The following GALNTL5 variants were observed in gnomAD, a reference collection of about 807,000 sequenced individuals.
GALNTL5 encodes the protein polypeptide N-acetylgalactosaminyltransferase like 5.
A neutral mutation model predicts 51.0 loss-of-function variants in GALNTL5; 44 were observed. The ratio of observed to expected loss-of-function variants is 0.86; its 90% CI spans 0.68 to 1.11. The LOEUF is 1.11. GALNTL5 is among the 50% of genes least tolerant of loss of function. GALNTL5 has a pLI of 0.00. For missense variants in GALNTL5, 528 were observed against 531.8 expected (o/e 0.99, Z 0.07); for synonymous variants, 192 against 182.8 (o/e 1.05, Z -0.41).
intron 8 of GALNTL5, among the ~76,000 whole-genome samples, chr7:152,017,918 T>C (rs1056377817): frequency 2.6e-5 from 4 of 152,114 alleles, no homozygotes; most frequent in Non-Finnish European, 4.4e-5. Flanking sequence ...CAATCTCGGC[T>C]CACTGCAACC....
chr7:151,979,220 C>G (rs2081246612), intron 3 of GALNTL5, among the ~76,000 whole-genome samples: 1 of 150,042 alleles, frequency 6.7e-6, no homozygotes, highest in South Asian at 2.1e-4. Flanking sequence ...CGCCATTCTC[C>G]TTCCTCAGCC....
intron 1 of GALNTL5, among the ~76,000 whole-genome samples, chr7:151,958,671 T>C (rs1468652836): frequency 6.6e-6 from 1 of 152,158 alleles, no homozygotes; most frequent in African/African-American, 2.4e-5. Flanking sequence ...CCACTTCCCA[T>C]GATGTGGGGT....
intron 5 of GALNTL5, among the ~76,000 whole-genome samples, 181 bp from the exon 6 acceptor site, chr7:152,002,533 A>G (rs147373465): frequency 6.6e-6 from 1 of 152,210 alleles, no homozygotes; most frequent in Non-Finnish European, 1.5e-5. Context: ...ATGGCACATG[A>G]TGTTGCATAT....
intron 7 of GALNTL5, among the ~76,000 whole-genome samples, chr7:152,009,331 T>C (rs574866721): frequency 2.0e-5 from 3 of 152,198 alleles, no homozygotes; most frequent in Admixed American, 6.5e-5. Context: ...ACCAGTTTTG[T>C]AGTGATGTCC....
chr7:151,975,410 A>T (rs1324115908), intron 3 of GALNTL5, among the ~76,000 whole-genome samples: 3 of 151,990 alleles, frequency 2.0e-5, no homozygotes, highest in East Asian at 1.9e-4. Flanking sequence ...GATATCAATT[A>T]TGTCTCTTCT....
intron 5 of GALNTL5, chr7:151,994,808 A>G (rs1475094560): frequency 6.7e-6 from 1 of 150,202 alleles, no homozygotes; most frequent in Non-Finnish European, 1.5e-5. Flanking sequence ...CCCAGGCTGG[A>G]GTGCAGTGGC....
chr7:151,987,018 C>A (rs764263430), intron 4 of GALNTL5, 141 bp from the exon 5 acceptor site: 6 of 634,714 alleles, frequency 9.5e-6, no homozygotes, highest in Non-Finnish European at 1.5e-5. Flanking sequence ...TGAGACACCA[C>A]ACCTGGCCCC....
chr7:151,985,539 A>T (rs1280158323), intron 4 of GALNTL5, among the ~76,000 whole-genome samples: 2 of 152,018 alleles, frequency 1.3e-5, no homozygotes, highest in African/African-American at 4.8e-5. Flanking sequence ...TGGCCGATAG[A>T]CTCCTCAGCT....
Position 152,014,728 on chromosome 7 carries a change from A to G in GALNTL5, c.1111A>G (p.Thr371Ala). 2 of 1,614,078 alleles carry G rather than the reference A, an allele frequency of 1.2e-6. No individual in the cohort carries two copies. Among genetic ancestry groups the G allele is most frequent in the Non-Finnish European group, 1.7e-6 (2 of 1,179,940 alleles). Residue 371 changes from threonine (T) to alanine (A), a missense_variant, in exon 8 of 9, where the codon ACA becomes GCA. Coordinates refer to ENST00000392800, the MANE Select transcript of GALNTL5 (RefSeq NM_145292.4). ...TAAGAAACAAACTGGAAAACCTTCT[A>G]CAATCATCAGTGCTATGACACATAA... ...ISKKQTGKPS[T>A]IISAMTHNYL...
chr7:151,983,016 C>G lies in GALNTL5; in HGVS notation c.399C>G (p.Leu133=). 6.2e-7 allele frequency: 1 copy of G among 1,614,188 alleles called. No homozygotes were observed. Among genetic ancestry groups the G allele is most frequent in the Non-Finnish European group, 8.5e-7 (1 of 1,180,028 alleles). ...MCLQKHYPAR[L]PTASIVICFY... is the part of the protein sequence containing the mutation. ...TTCAAAAACATTACCCAGCCCGCCTCCCGACTGCCAGCATTGTCATTTGCT... is the reference window on the plus strand; with the variant it reads ...TTCAAAAACATTACCCAGCCCGCCTGCCGACTGCCAGCATTGTCATTTGCT... The change falls in exon 4 of 9, where the codon CTC becomes CTG. Residue 133 remains leucine, a synonymous_variant. Transcript: ENST00000392800.
intron 1 of GALNTL5, among the ~76,000 whole-genome samples, chr7:151,959,231 C>CT (rs1177203786): frequency 6.0e-5 from 9 of 150,446 alleles, no homozygotes; most frequent in African/African-American, 1.9e-4. Flanking sequence ...TCTCCCCTTA[C>CT]CTTTTTTTTT....
At chr7:151,987,378 T>A in intron 5 of GALNTL5, 97 bp downstream of exon 5, 1 of 1,059,290 alleles carries the variant, frequency 9.4e-7, no homozygotes, top group Non-Finnish European at 1.3e-6. Flanking sequence ...TATGTCTGTG[T>A]CTGCTTCATC....
intron 5 of GALNTL5, among the ~76,000 whole-genome samples, chr7:151,993,370 TTGAC>T (rs1308918387): frequency 2.0e-5 from 3 of 152,220 alleles, no homozygotes; most frequent in African/African-American, 7.2e-5. Context: ...AAGACAGAGA[TTGAC>T]TGTGTGTGGG....
intron 3 of GALNTL5, among the ~76,000 whole-genome samples, chr7:151,981,552 T>G (rs898223495): frequency 1.5e-5 from 1 of 68,312 alleles, no homozygotes; most frequent in Admixed American, 1.6e-4. Flanking sequence ...TTCCCTTCCT[T>G]CCTTCCTTCC....
intron 2 of GALNTL5, among the ~76,000 whole-genome samples, chr7:151,969,769 T>A (rs1197620927): frequency 6.6e-6 from 1 of 152,168 alleles, no homozygotes; most frequent in African/African-American, 2.4e-5. Flanking sequence ...AGGGTACAAT[T>A]ACCTATGTTG....
intron 3 of GALNTL5, among the ~76,000 whole-genome samples, chr7:151,978,804 G>GTC (rs1382308937): frequency 2.6e-5 from 4 of 152,094 alleles, no homozygotes; most frequent in Non-Finnish European, 4.4e-5. Context: ...GTATATGTCT[G>GTC]TCTCTGGGTT....
chr7:151,968,124 C>T (rs1411421753), intron 2 of GALNTL5, among the ~76,000 whole-genome samples: 1 of 151,806 alleles, frequency 6.6e-6, no homozygotes, highest in Non-Finnish European at 1.5e-5. Flanking sequence ...AGCAAGACAC[C>T]ACCTCAACAA....
intron 5 of GALNTL5, among the ~76,000 whole-genome samples, chr7:152,002,272 T>C (rs1014749009): frequency 1.3e-5 from 2 of 149,252 alleles, no homozygotes; most frequent in Non-Finnish European, 3.0e-5. Flanking sequence ...AGAACAAGAC[T>C]CCATCTCAGA....
At chr7:152,002,426 T>G (rs2081591993) in intron 5 of GALNTL5, among the ~76,000 whole-genome samples, 1 of 152,208 alleles carries the variant, frequency 6.6e-6, no homozygotes. Flanking sequence ...TAAAATCATT[T>G]TTTAAAATGG....
Sources: gnomAD v4.1 joint callset for allele counts (sites outside exome capture counted in the v4.1 genomes callset) on GRCh38, gnomAD v4.1.1 for gene constraint, MANE v1.5 for transcripts, NCBI Gene and HGNC (gene_info 2026-07-23, HGNC 2026-07-21) for gene names.